SYT14: variants seen among roughly 807,000 people sequenced by gnomAD.
SYT14 encodes synaptotagmin-14.
In SYT14, 32 loss-of-function variants were observed where a neutral mutation model predicts 74.2. The ratio of observed to expected loss-of-function variants is 0.43; its 90% confidence interval spans 0.33 to 0.58. SYT14 has a LOEUF of 0.58. Ranked by LOEUF, SYT14 falls within the 20% of genes least tolerant of loss-of-function variation. SYT14 has a pLI of 0.05. For synonymous variants in SYT14, 298 were observed against 337.7 expected (o/e 0.88, Z 1.29); for missense variants, 791 against 981.8 (o/e 0.81, Z 2.60).
At chr1:209,962,107 ACTTTT>A (rs1442717063) in intron 2 of SYT14, among the ~76,000 whole-genome samples, 2 of 152,156 alleles carry the variant, frequency 1.3e-5, no homozygotes, top group African/African-American at 4.8e-5. Context: ...TAATTGTCTT[ACTTTT>A]CTTTCTTTCT....
At chr1:210,149,206 A>G (rs1258234515) in intron 7 of SYT14, among the ~76,000 whole-genome samples, 3 of 113,214 alleles carry the variant, frequency 2.6e-5, no homozygotes, top group African/African-American at 7.2e-5. Context: ...TTTTTTTGAG[A>G]TGGAGTCTCA....
At chr1:209,991,866 A>G (rs227198) in intron 2 of SYT14, among the ~76,000 whole-genome samples, 52,009 of 151,848 alleles carry the variant, frequency 0.34, 9,876 homozygotes, top group Non-Finnish European at 0.42. Context: ...ACAGATATTG[A>G]CGGGGATGCA....
At chr1:210,120,971 T>C (rs2082449435) in intron 7 of SYT14, among the ~76,000 whole-genome samples, 1 of 152,184 alleles carries the variant, frequency 6.6e-6, no homozygotes. Context: ...AGTTGTTAGA[T>C]ATTCAAGACC....
chr1:210,026,365 T>G (rs2080411258), intron 5 of SYT14, among the ~76,000 whole-genome samples: 1 of 152,080 alleles, frequency 6.6e-6, no homozygotes. Context: ...TATTTTTATA[T>G]TAGGAGAAGC....
intron 5 of SYT14, among the ~76,000 whole-genome samples, chr1:210,079,623 A>C (rs1049182833): frequency 6.6e-6 from 1 of 152,206 alleles, no homozygotes; most frequent in Non-Finnish European, 1.5e-5. Context: ...CCCATGAAGG[A>C]GTAGCTGCTA....
At chr1:210,001,251 T>C (rs547285199) in intron 2 of SYT14, among the ~76,000 whole-genome samples, 24 of 142,580 alleles carry the variant, frequency 1.7e-4, no homozygotes, top group Middle Eastern at 3.8e-3. Flanking sequence ...TCAAATTTGC[T>C]AATTTTTTTT....
intron 5 of SYT14, among the ~76,000 whole-genome samples, chr1:210,082,584 T>A (rs1156859230): frequency 6.6e-6 from 1 of 152,230 alleles, no homozygotes; most frequent in African/African-American, 2.4e-5. Flanking sequence ...TACCTATCTC[T>A]TAGAGCCTAC....
chr1:209,959,997 C>T (rs1031896094), intron 2 of SYT14, among the ~76,000 whole-genome samples: 3 of 152,090 alleles, frequency 2.0e-5, no homozygotes, highest in Admixed American at 2.0e-4. Context: ...GCAAAAGTTT[C>T]CATTACCTGA....
chr1:210,058,955 C>G (rs1025963395), intron 5 of SYT14, among the ~76,000 whole-genome samples: 4 of 152,120 alleles, frequency 2.6e-5, no homozygotes, highest in Non-Finnish European at 5.9e-5. Flanking sequence ...GTAACAAAAG[C>G]AAATACATAT....
At chr1:210,054,263 A>G (rs2081055814) in intron 5 of SYT14, among the ~76,000 whole-genome samples, 1 of 152,120 alleles carries the variant, frequency 6.6e-6, no homozygotes, top group South Asian at 2.1e-4. Context: ...TTTATTTCAT[A>G]GTTCCTTCCA....
intron 7 of SYT14, among the ~76,000 whole-genome samples, chr1:210,150,158 C>T (rs547797865): frequency 2.6e-5 from 4 of 152,186 alleles, no homozygotes; most frequent in Admixed American, 1.3e-4. Flanking sequence ...TCAGAGCTGC[C>T]GGCAACTAGG....
chr1:210,122,189 G>A lies in SYT14; in HGVS notation c.2034+21728G>A, dbSNP rs1047853829. On this transcript the variant is annotated intron_variant, in intron 7 of 9. Coordinates refer to ENST00000637265, the Ensembl canonical transcript of SYT14. ...GAGACGGGGTTTCACCGTTTTAGCC[G>A]GGATGGTCTCGATCTCCTGACCTCG... is the stretch of plus-strand genomic sequence containing the variant. Among the ~76,000 whole-genome samples, 20 of 23,510 alleles carry A rather than the reference G, an allele frequency of 8.5e-4. 8 individuals are homozygous for A. The highest frequency in any genetic ancestry group is 3.7e-3 in the African/African-American group (9 of 2,438). 15.4% of individuals were successfully genotyped at this position (23,510 alleles called of 152,430 possible).
exon 10 of SYT14, chr1:210,163,826 T>C (rs2083422475): frequency 6.6e-6 from 3 of 453,680 alleles, no homozygotes; most frequent in Non-Finnish European, 1.3e-5. Flanking sequence ...TGAATTTGCA[T>C]GAAAGCTTAA....
At chr1:209,939,176 A>G (rs1002219804) in intron 1 of SYT14, among the ~76,000 whole-genome samples, 2 of 152,166 alleles carry the variant, frequency 1.3e-5, no homozygotes, top group African/African-American at 4.8e-5. Context: ...CGTCTAGGAT[A>G]TTTATGTGAA....
chr1:209,950,212 C>T (rs956886459), intron 1 of SYT14, among the ~76,000 whole-genome samples: 13 of 152,020 alleles, frequency 8.6e-5, no homozygotes, highest in African/African-American at 9.7e-5. Flanking sequence ...AATTAAGTTA[C>T]GTGTGTAACT....
In SYT14 at chr1:210,027,247, T is replaced by C. The variant is rs575250398; in HGVS notation, c.1312+5993T>C. On this transcript the variant is annotated intron_variant, in intron 5 of 9. Coordinates refer to ENST00000637265, the Ensembl canonical transcript of SYT14. The stretch of plus-strand genomic sequence containing the variant: ...CAGTGGCTCATGCCTATAATGTCTC[T>C]ACAAAAAATTTTGAAAAACTAGCCG... Among the ~76,000 whole-genome samples, 6 of 152,208 alleles carry C rather than the reference T, an allele frequency of 3.9e-5. No homozygotes were observed. The South Asian group carries it at 1.2e-3, about 32-fold the overall frequency.
chr1:210,129,949 A>G (rs1016131839), intron 7 of SYT14, among the ~76,000 whole-genome samples: 2 of 152,156 alleles, frequency 1.3e-5, no homozygotes, highest in African/African-American at 2.4e-5. Flanking sequence ...AACTGCATCA[A>G]TTGTCATTGC....
intron 5 of SYT14, among the ~76,000 whole-genome samples, chr1:210,086,914 G>T (rs1428265711): frequency 6.6e-6 from 1 of 151,966 alleles, no homozygotes; most frequent in Non-Finnish European, 1.5e-5. Context: ...TAAGAAACCT[G>T]GCTGCCATTA....
intron 7 of SYT14, among the ~76,000 whole-genome samples, chr1:210,124,633 A>G (rs1348921168): frequency 6.6e-6 from 1 of 152,234 alleles, no homozygotes; most frequent in Non-Finnish European, 1.5e-5. Context: ...CAAGACAGTT[A>G]AGCTAAGGCT....
Sources: gnomAD v4.1 joint callset for allele counts (sites outside exome capture counted in the v4.1 genomes callset) on GRCh38, gnomAD v4.1.1 for gene constraint, MANE v1.5 for transcripts, NCBI Gene and HGNC (gene_info 2026-07-23, HGNC 2026-07-21) for gene names.